The following ASPRV1 variants were observed in gnomAD, a reference collection of about 807,000 sequenced individuals.
The protein encoded by ASPRV1 is aspartic peptidase retroviral like 1.
ASPRV1 carries 7 observed loss-of-function variants against 11.0 expected under a neutral mutation model. The observed-to-expected ratio is 0.64, with a 90% confidence interval of 0.36 to 1.20. The LOEUF (loss-of-function observed/expected upper bound fraction) is 1.20. ASPRV1 is among the 50% of genes most tolerant of loss of function. ASPRV1 has a pLI of 0.02. For synonymous variants in ASPRV1, 136 were observed against 138.4 expected, an observed-to-expected ratio of 0.98 and a Z score of 0.12; for missense variants, 299 against 320.0, an observed-to-expected ratio of 0.93 and a Z score of 0.50.
the ASPRV1 span, among the ~76,000 whole-genome samples, chr2:70,008,066 C>T: frequency 6.6e-6 from 1 of 152,018 alleles, no homozygotes; most frequent in Non-Finnish European, 1.5e-5. Context: ...GAACTCCTGA[C>T]CTCAAGTGAT....
At chr2:69,949,686 G>C in the ASPRV1 span, among the ~76,000 whole-genome samples, 1 of 152,152 alleles carries the variant, frequency 6.6e-6, no homozygotes, top group Admixed American at 6.5e-5. Context: ...GCCTTTTCAA[G>C]TATTTTGCTT....
the ASPRV1 span, among the ~76,000 whole-genome samples, chr2:69,989,207 T>C: frequency 0.038 from 5,731 of 152,340 alleles, 367 homozygotes; most frequent in African/African-American, 0.13. Context: ...GGCAGGGTTC[T>C]TGGCTGAGTC....
chr2:70,037,651 C>T, the ASPRV1 span, among the ~76,000 whole-genome samples: 9,004 of 151,760 alleles, frequency 0.059, 344 homozygotes, highest in East Asian at 0.2. Flanking sequence ...TTCCTATTAA[C>T]GTGTAAAAGC....
the ASPRV1 span, among the ~76,000 whole-genome samples, chr2:70,019,626 C>T: frequency 2.0e-5 from 3 of 152,096 alleles, no homozygotes; most frequent in African/African-American, 4.8e-5. Flanking sequence ...ATGAGTGAAC[C>T]TGGAGGATAC....
At chr2:69,989,401 A>C in the ASPRV1 span, among the ~76,000 whole-genome samples, 2 of 152,266 alleles carry the variant, frequency 1.3e-5, no homozygotes, top group South Asian at 4.1e-4. Flanking sequence ...ACACCACAGC[A>C]CAGCACAGGA....
At chr2:70,003,219 G>T in the ASPRV1 span, 1 of 152,216 alleles carries the variant, frequency 6.6e-6, no homozygotes, top group Non-Finnish European at 1.5e-5. Context: ...TCTTTGCCAT[G>T]AGCACATGTG....
chr2:70,036,158 T>C, the ASPRV1 span, among the ~76,000 whole-genome samples: 1 of 151,888 alleles, frequency 6.6e-6, no homozygotes, highest in African/African-American at 2.4e-5. Flanking sequence ...AGCCTGGAGC[T>C]AGGAGCAGTG....
the ASPRV1 span, among the ~76,000 whole-genome samples, chr2:70,023,088 A>G: frequency 1.3e-5 from 2 of 152,204 alleles, no homozygotes; most frequent in African/African-American, 2.4e-5. Flanking sequence ...TAGAAAGAGA[A>G]TAAGATCCAC....
the ASPRV1 span, chr2:70,083,780 T>C: frequency 1.3e-5 from 2 of 152,174 alleles, no homozygotes; most frequent in East Asian, 3.8e-4. Flanking sequence ...AGTCATCAAA[T>C]ATCATCAGTC....
At chr2:70,046,996 T>C in the ASPRV1 span, among the ~76,000 whole-genome samples, 2 of 152,196 alleles carry the variant, frequency 1.3e-5, no homozygotes, top group East Asian at 3.8e-4. Flanking sequence ...AATTTTTCTA[T>C]TGCTTAAGAC....
the ASPRV1 span, chr2:69,995,430 C>T: frequency 6.6e-6 from 1 of 152,048 alleles, no homozygotes; most frequent in Admixed American, 6.6e-5. Flanking sequence ...GCTATGTATC[C>T]ATACATTGAG....
At chr2:69,996,232 A>AC in the ASPRV1 span, among the ~76,000 whole-genome samples, 7 of 150,724 alleles carry the variant, frequency 4.6e-5, no homozygotes, top group African/African-American at 1.7e-4. Flanking sequence ...AAAAAAAAAA[A>AC]AAAAAAACAA....
At chr2:70,036,104 TAGAGATG>T in the ASPRV1 span, among the ~76,000 whole-genome samples, 1 of 151,734 alleles carries the variant, frequency 6.6e-6, no homozygotes, top group Admixed American at 6.6e-5. Flanking sequence ...CCCTGTCTCT[TAGAGATG>T]AATTTTCCAA....
chr2:70,063,898 C>T, the ASPRV1 span: 2 of 152,250 alleles, frequency 1.3e-5, no homozygotes, highest in African/African-American at 4.8e-5. Flanking sequence ...TTACACTCTA[C>T]TCACTATCCA....
chr2:70,051,355 A>T, the ASPRV1 span: 1 of 152,236 alleles, frequency 6.6e-6, no homozygotes, highest in Non-Finnish European at 1.5e-5. Context: ...TATTAAAAAC[A>T]TGGGAAAACA....
the ASPRV1 span, among the ~76,000 whole-genome samples, chr2:69,984,917 C>T: frequency 1.2e-4 from 18 of 146,658 alleles, no homozygotes; most frequent in African/African-American, 3.1e-4. Context: ...AGGGCAGTGG[C>T]GCAATCTCGG....
the ASPRV1 span, among the ~76,000 whole-genome samples, chr2:69,966,936 G>A: frequency 6.6e-6 from 1 of 152,162 alleles, no homozygotes; most frequent in African/African-American, 2.4e-5. Flanking sequence ...AGATGTGGGA[G>A]AGGCAGGAGA....
chr2:70,065,489 T>C, the ASPRV1 span, among the ~76,000 whole-genome samples: 4 of 151,678 alleles, frequency 2.6e-5, no homozygotes, highest in East Asian at 7.7e-4. Flanking sequence ...TTATAATATA[T>C]TGATAAGTGC....
chr2:70,035,831 T>C, the ASPRV1 span, among the ~76,000 whole-genome samples: 2 of 151,642 alleles, frequency 1.3e-5, no homozygotes, highest in African/African-American at 2.4e-5. Flanking sequence ...GGAGGTACCA[T>C]GGAATTCCAA....
Sources: allele counts gnomAD v4.1 joint callset (sites outside exome capture counted in the v4.1 genomes callset), GRCh38; gene constraint gnomAD v4.1.1; transcripts MANE v1.5; gene names NCBI Gene and HGNC (gene_info 2026-07-23, HGNC 2026-07-21).